Variants in GSTO2 observed in about 807,000 individuals in gnomAD.
GSTO2 encodes the protein glutathione S-transferase omega 2.
Under a neutral mutation model 28.4 loss-of-function variants are expected in GSTO2, and 23 were observed. That is an observed-to-expected ratio of 0.81 (90% confidence interval 0.58 to 1.15). GSTO2 has a LOEUF of 1.15. Ranked by LOEUF, GSTO2 falls within the 50% of genes most tolerant of loss-of-function variation. The pLI, the probability that GSTO2 is intolerant of heterozygous loss-of-function variation, is 0.00. For missense variants in GSTO2, 298 were observed against 297.8 expected, an observed-to-expected ratio of 1.00 and a Z score of 0.00; for synonymous variants, 109 against 111.0, an observed-to-expected ratio of 0.98 and a Z score of 0.11.
chr10:104,292,329 T>G (rs1466592410), intron 5 of GSTO2, among the ~76,000 whole-genome samples: 1 of 151,836 alleles, frequency 6.6e-6, no homozygotes, highest in Admixed American at 6.6e-5. Context: ...CAGCTAACTT[T>G]TTTTATTTTT....
chr10:104,297,745 G>A, intron 6 of GSTO2, 61 bp downstream of exon 6: 1 of 1,186,678 alleles, frequency 8.4e-7, no homozygotes, highest in Non-Finnish European at 1.3e-6. Context: ...CAATGGTTAA[G>A]ATGGTCTGCA....
At chr10:104,278,165 CT>C in intron 4 of GSTO2, 49 bp downstream of exon 4, 2 of 1,440,870 alleles carry the variant, frequency 1.4e-6, no homozygotes, top group Non-Finnish European at 1.9e-6. Flanking sequence ...CTTTGCATGT[CT>C]TTCCCAAACC....
Position 104,297,601 on chromosome 10 carries a change from C to G in GSTO2, c.492C>G (p.Thr164=), listed in dbSNP as rs1010289345. ...AGATTCTTGAGTATCAGAACACCAC[C>G]TTCTTTGGTGGAACCTGTATATCCA... ...LEEILEYQNT[T]FFGGTCISMI... Residue 164 remains threonine (T), a synonymous_variant, in exon 6 of 7, where the codon ACC becomes ACG. Coordinates refer to ENST00000338595, the MANE Select transcript of GSTO2 (RefSeq NM_183239.2). 49 of 1,613,084 alleles carry G rather than the reference C, an allele frequency of 3.0e-5. No individual in the cohort carries two copies. The East Asian group carries it at 1.1e-3, about 36-fold the overall frequency.
intron 5 of GSTO2, among the ~76,000 whole-genome samples, chr10:104,289,138 A>T (rs1294972198): frequency 6.6e-6 from 1 of 152,062 alleles, no homozygotes; most frequent in Non-Finnish European, 1.5e-5. Flanking sequence ...TCACTCTGTC[A>T]CTCAGGCTGG....
Position 104,274,684 on chromosome 10 carries a change from G to T in GSTO2, c.-231-1G>T. On this transcript the variant is annotated splice_acceptor_variant, in intron 1 of 6. Transcript: ENST00000338595. LOFTEE classifies it low-confidence loss of function (5UTR_SPLICE). ...TTTTGTCTTGTTTTGTTTTTTGCCA[G>T]CTCCTACTCTCGGGCTTCCAAATCT... The T allele has an allele frequency of 1.7e-6, 1 of 581,570 alleles. No homozygotes were observed. Among genetic ancestry groups the T allele is most frequent in the Non-Finnish European group, 3.0e-6 (1 of 331,956 alleles). The allele number at this position is 581,570 out of a possible 1,614,324, so 36.0% of individuals were successfully genotyped here. A position where few individuals can be genotyped will look rare whatever the true frequency, so the allele number is the denominator to read the frequency against.
chr10:104,290,547 T>G (rs1413035879), intron 5 of GSTO2, among the ~76,000 whole-genome samples: 1 of 150,820 alleles, frequency 6.6e-6, no homozygotes, highest in Non-Finnish European at 1.5e-5. Flanking sequence ...ATATACACAA[T>G]GGAGTACTAT....
chr10:104,290,703 C>G (rs891253771), intron 5 of GSTO2, among the ~76,000 whole-genome samples: 2 of 152,048 alleles, frequency 1.3e-5, no homozygotes, highest in African/African-American at 4.8e-5. Context: ...AACAATTGAA[C>G]TCATGAACAC....
chr10:104,289,741 T>G (rs1163609876), intron 5 of GSTO2, among the ~76,000 whole-genome samples: 1 of 152,226 alleles, frequency 6.6e-6, no homozygotes, highest in Non-Finnish European at 1.5e-5. Context: ...ATTTATCTTT[T>G]ATGAGCTCAA....
chr10:104,294,727 C>G (rs1292973457), intron 5 of GSTO2, among the ~76,000 whole-genome samples: 1 of 152,122 alleles, frequency 6.6e-6, no homozygotes, highest in Non-Finnish European at 1.5e-5. Flanking sequence ...TAATGCTCAT[C>G]TCAGCTTTTT....
chr10:104,291,317 T>G (rs1022990706), intron 5 of GSTO2: 1 of 152,268 alleles, frequency 6.6e-6, no homozygotes, highest in Non-Finnish European at 1.5e-5. Context: ...TTGGGATTTC[T>G]TGGCAATGGT....
intron 1 of GSTO2, among the ~76,000 whole-genome samples, chr10:104,270,077 G>T (rs960973260): frequency 6.6e-6 from 1 of 151,348 alleles, no homozygotes; most frequent in East Asian, 1.9e-4. Context: ...GCAGTGGCGC[G>T]ATCTCGGCTC....
At position 104,275,271 on chromosome 10, in the gene GSTO2, A is replaced by T. The variant is rs1391837335; in HGVS notation, c.80A>T (p.Tyr27Phe). The T allele has an allele frequency of 1.2e-6, 2 of 1,613,880 alleles. No individual in the cohort carries two copies. Among genetic ancestry groups the T allele is most frequent in the Non-Finnish European group, 1.7e-6 (2 of 1,179,990 alleles). ...GPVPEGLIRI[Y>F]SMRFCPYSHR... ...GTCCCGGAGGGGCTGATCCGCATCT[A>T]CAGCATGAGGTTCTGCCCCTATTCT... is the stretch of plus-strand genomic sequence containing the variant. The change falls in exon 3 of 7, where the codon TAC becomes TTC. Residue 27 changes from tyrosine to phenylalanine, a missense_variant. Physicochemically the swap from Tyr to Phe is conservative, Grantham distance 22. Transcript: ENST00000338595.
At chr10:104,282,731 G>T (rs7078651) in intron 5 of GSTO2, among the ~76,000 whole-genome samples, 195 of 152,256 alleles carry the variant, frequency 1.3e-3, no homozygotes, top group African/African-American at 4.5e-3. Flanking sequence ...TCTGAGGAAG[G>T]AGTAGGAGTT....
intron 1 of GSTO2, among the ~76,000 whole-genome samples, chr10:104,271,042 A>G (rs974147408): frequency 3.9e-5 from 6 of 152,268 alleles, no homozygotes; most frequent in Non-Finnish European, 8.8e-5. Flanking sequence ...TGAGTGGGTC[A>G]GTATAATAAA....
rs2011264396 is a variant in GSTO2, at chr10:104,269,274, G to T, written c.-232+5G>T. 1 of 152,302 alleles carries T rather than the reference G, an allele frequency of 6.6e-6. No individual in the cohort carries two copies. The highest frequency in any genetic ancestry group is 2.1e-4 in the South Asian group (1 of 4,832). 9.4% of individuals were successfully genotyped at this position (152,302 alleles called of 1,614,324 possible). ...GGACCTCTCTCACCGCCACCGGTGGGTCCGTTCGGCCTGCGTTGTATTGGA... is the reference window on the plus strand; with the variant it reads ...GGACCTCTCTCACCGCCACCGGTGGTTCCGTTCGGCCTGCGTTGTATTGGA... On this transcript the variant is annotated splice_donor_5th_base_variant and intron_variant, in intron 1 of 6. Coordinates refer to ENST00000338595, the MANE Select transcript of GSTO2 (RefSeq NM_183239.2).
intron 5 of GSTO2, among the ~76,000 whole-genome samples, chr10:104,288,059 T>C (rs1266735521): frequency 6.6e-6 from 1 of 151,784 alleles, no homozygotes; most frequent in African/African-American, 2.4e-5. Context: ...GGCTAATTTC[T>C]TTTTGTATTT....
intron 5 of GSTO2, among the ~76,000 whole-genome samples, chr10:104,287,730 G>A (rs1340194820): frequency 6.6e-6 from 1 of 151,846 alleles, no homozygotes; most frequent in African/African-American, 2.4e-5. Context: ...TGGGAAGGGG[G>A]CTGATTAGAA....
Position 104,297,584 on chromosome 10 carries a change from G to A in GSTO2, c.475G>A (p.Glu159Lys). ...GCTTTGTTTCCATTTTTAGATTCTT[G>A]AGTATCAGAACACCACCTTCTTTGG... Reference protein sequence around the residue: ...QEFSNLEEILEYQNTTFFGGT... With the variant: ...QEFSNLEEILKYQNTTFFGGT... Residue 159 changes from glutamate (E) to lysine (K), a missense_variant, in exon 6 of 7, where the codon GAG becomes AAG. Glu to Lys is a moderately conservative substitution (Grantham distance 56). Coordinates refer to ENST00000338595, the MANE Select transcript of GSTO2 (RefSeq NM_183239.2). 6.2e-7 allele frequency: 1 copy of A among 1,607,078 alleles called. No individual in the cohort carries two copies. Among genetic ancestry groups the A allele is most frequent in the Middle Eastern group, 1.7e-4 (1 of 5,914 alleles).
rs2013200453 is a variant in GSTO2 at position 104,299,623 on chromosome 10, G to A, written c.*339G>A. The A allele has an allele frequency of 3.9e-6, 1 of 256,250 alleles. No homozygotes were observed. Among genetic ancestry groups the A allele is most frequent in the Non-Finnish European group, 7.5e-6 (1 of 133,304 alleles). The allele number at this position is 256,250 out of a possible 1,614,324, so 15.9% of individuals were successfully genotyped here. ...CCTGAGAAGCTAGGACTACAGGTAT[G>A]TGTCACCACGCCCAGCTAATTTTTA... On this transcript the variant is annotated 3_prime_UTR_variant, in exon 7 of 7. Transcript: ENST00000338595.
Sources: gnomAD v4.1 joint callset for allele counts (sites outside exome capture counted in the v4.1 genomes callset) on GRCh38, gnomAD v4.1.1 for gene constraint, MANE v1.5 for transcripts, NCBI Gene and HGNC (gene_info 2026-07-23, HGNC 2026-07-21) for gene names.